The following SIK3 variants were observed in gnomAD, a reference collection of about 807,000 sequenced individuals.
SIK3 encodes serine/threonine-protein kinase SIK3.
SIK3 carries 28 observed loss-of-function variants against 144.2 expected under a neutral mutation model. The ratio of observed to expected loss-of-function variants is 0.19; its 90% CI spans 0.14 to 0.27. The LOEUF is 0.27. Among genes scored for constraint, SIK3 ranks in the 10% least tolerant of loss-of-function variants. The pLI is 1.00. For synonymous variants in SIK3, 686 were observed against 676.3 expected (o/e 1.01, Z -0.22); for missense variants, 1,319 against 1,776.0 (o/e 0.74, Z 4.62).
intron 1 of SIK3, among the ~76,000 whole-genome samples, chr11:116,990,266 T>G (rs746886615): frequency 1.4e-4 from 22 of 152,164 alleles, no homozygotes; most frequent in Non-Finnish European, 2.8e-4. Flanking sequence ...GTGAGAACTT[T>G]CCTGAATAAA....
At chr11:117,064,736 T>A (rs142752402) in intron 1 of SIK3, among the ~76,000 whole-genome samples, 33 of 152,332 alleles carry the variant, frequency 2.2e-4, no homozygotes, top group African/African-American at 7.5e-4. Flanking sequence ...CTAAATGGCT[T>A]ACAAATTGAG....
intron 4 of SIK3, among the ~76,000 whole-genome samples, chr11:116,925,890 AGT>A (rs1947248197): frequency 6.6e-6 from 1 of 152,224 alleles, no homozygotes; most frequent in African/African-American, 2.4e-5. Flanking sequence ...GTAATAAGCT[AGT>A]GCAGGAGTGA....
At chr11:117,019,833 G>A in intron 1 of SIK3, among the ~76,000 whole-genome samples, 1 of 151,828 alleles carries the variant, frequency 6.6e-6, no homozygotes, top group East Asian at 1.9e-4. Flanking sequence ...AGGAGGCGGA[G>A]GTTTCAGTGA....
Position 116,877,060 on chromosome 11 carries a change from C to T in SIK3, c.866-18G>A. 2.5e-6 allele frequency: 4 copies of T among 1,611,472 alleles called. No individual in the cohort carries two copies. Among genetic ancestry groups the T allele is most frequent in the African/African-American group, 2.7e-5 (2 of 74,986 alleles). On this transcript the variant is annotated intron_variant, in intron 6 of 24. Coordinates refer to ENST00000445177, the MANE Select transcript of SIK3 (RefSeq NM_001366686.3). The stretch of plus-strand genomic sequence containing the variant: ...CTCACATTCTGCAATGGACAAACAG[C>T]CTGCCTTCAGTCTCTGGTGAGGGGA...
intron 1 of SIK3, among the ~76,000 whole-genome samples, chr11:117,003,015 T>C (rs1193450114): frequency 1.3e-5 from 2 of 152,218 alleles, no homozygotes; most frequent in Non-Finnish European, 1.5e-5. Flanking sequence ...GCCTTAAGCA[T>C]ACACGCCGTG....
chr11:116,989,218 C>G (rs1049871401), intron 1 of SIK3, among the ~76,000 whole-genome samples: 1 of 151,916 alleles, frequency 6.6e-6, no homozygotes, highest in Non-Finnish European at 1.5e-5. Flanking sequence ...CCCGCATGTT[C>G]GAATGTCTCT....
chr11:117,021,345 G>C (rs2135740780), intron 1 of SIK3, among the ~76,000 whole-genome samples: 1 of 152,198 alleles, frequency 6.6e-6, no homozygotes, highest in Middle Eastern at 3.4e-3. Context: ...CTTATCAAAG[G>C]TCAGCCACTT....
intron 1 of SIK3, among the ~76,000 whole-genome samples, chr11:117,068,414 T>C (rs192421347): frequency 7.2e-5 from 11 of 152,296 alleles, no homozygotes; most frequent in African/African-American, 2.4e-4. Flanking sequence ...CAACTTTCAA[T>C]GTTGTTTAAA....
chr11:116,877,093 G>C, intron 6 of SIK3, 51 bp from the exon 7 acceptor site: 1 of 1,529,408 alleles, frequency 6.5e-7, no homozygotes, highest in Non-Finnish European at 9.1e-7. Flanking sequence ...GGAGGCACCA[G>C]GGGAGTAGAG....
At chr11:116,893,585 T>C (rs920392239) in intron 6 of SIK3, among the ~76,000 whole-genome samples, 1 of 151,458 alleles carries the variant, frequency 6.6e-6, no homozygotes, top group African/African-American at 2.4e-5. Flanking sequence ...TAAGGGAGGA[T>C]CACTTGAGCC....
chr11:117,097,369 C>T (rs185477818), intron 1 of SIK3, among the ~76,000 whole-genome samples: 208 of 152,156 alleles, frequency 1.4e-3, no homozygotes, highest in African/African-American at 4.7e-3. Flanking sequence ...AAATAACCAG[C>T]AATCAGCTCT....
At chr11:116,971,267 G>C (rs559165592) in intron 1 of SIK3, among the ~76,000 whole-genome samples, 1 of 152,130 alleles carries the variant, frequency 6.6e-6, no homozygotes, top group Non-Finnish European at 1.5e-5. Flanking sequence ...GCAACAAGTA[G>C]GTCAAATTAA....
At chr11:116,896,131 A>G (rs1945383746) in intron 6 of SIK3, 122 bp downstream of exon 6, 1 of 1,379,838 alleles carries the variant, frequency 7.2e-7, no homozygotes, top group African/African-American at 1.4e-5. Flanking sequence ...TCAGGTCAGC[A>G]AGCTGGAGTT....
intron 1 of SIK3, among the ~76,000 whole-genome samples, chr11:117,028,493 A>G (rs573561081): frequency 6.6e-6 from 1 of 152,304 alleles, no homozygotes; most frequent in African/African-American, 2.4e-5. Context: ...AGAAGTAGGT[A>G]CATGGCACAG....
At chr11:117,042,162 C>A (rs1318383862) in intron 1 of SIK3, among the ~76,000 whole-genome samples, 1 of 152,114 alleles carries the variant, frequency 6.6e-6, no homozygotes, top group African/African-American at 2.4e-5. Flanking sequence ...CTATAGTTCC[C>A]CCATTTTTAG....
At chr11:116,888,438 T>G (rs1436563452) in intron 6 of SIK3, among the ~76,000 whole-genome samples, 1 of 152,198 alleles carries the variant, frequency 6.6e-6, no homozygotes, top group Non-Finnish European at 1.5e-5. Context: ...GAAAAAGGAC[T>G]CTGGGACAGA....
At chr11:117,097,251 G>A (rs1055618017) in intron 1 of SIK3, among the ~76,000 whole-genome samples, 3 of 152,096 alleles carry the variant, frequency 2.0e-5, no homozygotes, top group Non-Finnish European at 4.4e-5. Context: ...GGCTCGATGA[G>A]TGTAATCTCC....
chr11:116,852,617 C>A (rs1942557524), intron 21 of SIK3, among the ~76,000 whole-genome samples: 1 of 152,208 alleles, frequency 6.6e-6, no homozygotes, highest in East Asian at 1.9e-4. Context: ...ACTGTAAAGG[C>A]TCAATAAAGT....
At chr11:117,043,990 T>C (rs1952852641) in intron 1 of SIK3, among the ~76,000 whole-genome samples, 1 of 152,206 alleles carries the variant, frequency 6.6e-6, no homozygotes. Context: ...ATAGCAAATA[T>C]TAGTAATGTT....
Sources: allele counts gnomAD v4.1 joint callset (sites outside exome capture counted in the v4.1 genomes callset), GRCh38; gene constraint gnomAD v4.1.1; transcripts MANE v1.5; gene names NCBI Gene and HGNC (gene_info 2026-07-23, HGNC 2026-07-21).